SYN3: variants seen among roughly 807,000 people sequenced by gnomAD.
The protein encoded by SYN3 is synapsin-3.
A neutral mutation model predicts 65.8 loss-of-function variants in SYN3; 35 were observed. That is an observed-to-expected ratio of 0.53 (90% confidence interval 0.41 to 0.70). The LOEUF (loss-of-function observed/expected upper bound fraction) is 0.70. Ranked by LOEUF, SYN3 falls within the 30% of genes least tolerant of loss-of-function variation. SYN3 has a pLI of 0.00. For missense variants in SYN3, 680 were observed against 749.0 expected, an observed-to-expected ratio of 0.91 and a Z score of 1.08; for synonymous variants, 270 against 292.9, an observed-to-expected ratio of 0.92 and a Z score of 0.80.
rs1028755767 is a variant in SYN3, at chr22:32,944,657, C to A, written c.370-13176G>T. On this transcript the variant is annotated intron_variant, in intron 3 of 13. Transcript: ENST00000358763. ...ATAAGCCAGGGATGCCCTCTCTCAC[C>A]ACTCCTATTCAACACAGTGTTGGAA... Among the ~76,000 whole-genome samples, 12 of 152,172 alleles carry A rather than the reference C, an allele frequency of 7.9e-5. 1 individual carries two copies. The highest frequency in any genetic ancestry group is 2.0e-4 in the Admixed American group (3 of 15,282).
chr22:33,003,828 C>A (rs2053129648), intron 2 of SYN3, among the ~76,000 whole-genome samples: 1 of 152,280 alleles, frequency 6.6e-6, no homozygotes, highest in South Asian at 2.1e-4. Context: ...TTGGGGGCAG[C>A]CCCTCCAATC....
Position 32,513,517 on chromosome 22 carries a change from G to A in SYN3, c.*175C>T, listed in dbSNP as rs894481385. 2.3e-5 allele frequency: 20 copies of A among 864,274 alleles called. No homozygotes were observed. The highest frequency in any genetic ancestry group is 1.1e-4 in the Admixed American group (4 of 36,154). The allele number at this position is 864,274 out of a possible 1,614,324, so 53.5% of individuals were successfully genotyped here. On this transcript the variant is annotated 3_prime_UTR_variant, in exon 14 of 14. Transcript: ENST00000358763. ...CAGTCAGACAATGCTGGAATGTCAC[G>A]GTGAAGGAAAATGGGAACAAATATA... is the stretch of plus-strand genomic sequence containing the variant.
intron 6 of SYN3, among the ~76,000 whole-genome samples, chr22:32,642,839 G>C (rs891848352): frequency 4.6e-5 from 7 of 152,034 alleles, no homozygotes; most frequent in South Asian, 4.2e-4. Context: ...TTACAGGCTT[G>C]AGCCACTGTG....
At chr22:32,867,182 G>A (rs2048709563) in intron 5 of SYN3, among the ~76,000 whole-genome samples, 1 of 152,202 alleles carries the variant, frequency 6.6e-6, no homozygotes, top group South Asian at 2.1e-4. Context: ...CCACAGACCA[G>A]ACAGCTATGA....
rs931465037 is a variant in SYN3 at position 32,509,038 on chromosome 22, T to C, written c.*4654A>G. On this transcript the variant is annotated 3_prime_UTR_variant, in exon 14 of 14. Transcript: ENST00000358763. ...ATTAGTTAATTCAGCAGGGACGGAA[T>C]GTTAGGCTAGAGAATGTAGTAATGA... is the stretch of plus-strand genomic sequence containing the variant. Among the ~76,000 whole-genome samples, 1 of 152,220 alleles carries C rather than the reference T, an allele frequency of 6.6e-6. No homozygotes were observed. The highest frequency in any genetic ancestry group is 1.5e-5 in the Non-Finnish European group (1 of 68,038).
intron 3 of SYN3, among the ~76,000 whole-genome samples, chr22:32,935,259 C>T (rs768352847): frequency 4.6e-5 from 7 of 151,542 alleles, no homozygotes; most frequent in Non-Finnish European, 7.4e-5. Flanking sequence ...TAGAAATCTG[C>T]ACCTAGACTC....
At chr22:32,684,427 T>C (rs2060563763) in intron 6 of SYN3, among the ~76,000 whole-genome samples, 1 of 152,182 alleles carries the variant, frequency 6.6e-6, no homozygotes, top group East Asian at 1.9e-4. Flanking sequence ...ACAATGACTT[T>C]CCTTTTTCTC....
intron 7 of SYN3, among the ~76,000 whole-genome samples, chr22:32,593,240 G>A (rs987853468): frequency 6.6e-6 from 1 of 150,948 alleles, no homozygotes; most frequent in South Asian, 2.1e-4. Context: ...GTTTATTCTC[G>A]TCTGTGTCAT....
intron 3 of SYN3, among the ~76,000 whole-genome samples, chr22:32,957,313 A>T (rs1424585284): frequency 6.6e-6 from 1 of 152,202 alleles, no homozygotes; most frequent in African/African-American, 2.4e-5. Context: ...GACACACCTG[A>T]TGCAGGAAGC....
At chr22:33,004,130 C>T (rs2053137747) in intron 2 of SYN3, among the ~76,000 whole-genome samples, 1 of 152,184 alleles carries the variant, frequency 6.6e-6, no homozygotes, top group Non-Finnish European at 1.5e-5. Context: ...AAGTTTGCTG[C>T]AGGGGTGGGG....
At chr22:32,608,069 A>C (rs2059394410) in intron 6 of SYN3, among the ~76,000 whole-genome samples, 1 of 152,186 alleles carries the variant, frequency 6.6e-6, no homozygotes, top group Admixed American at 6.5e-5. Context: ...TTTTAAAAAA[A>C]GTATTTATTC....
intron 6 of SYN3, among the ~76,000 whole-genome samples, chr22:32,644,547 AGGAAGTGTGCTGGGCT>A (rs1444220631): frequency 1.3e-5 from 2 of 152,200 alleles, no homozygotes; most frequent in Non-Finnish European, 2.9e-5. Flanking sequence ...CCAGACAAGC[AGGAAGTGTGCTGGGCT>A]GGCGGATGGA....
intron 4 of SYN3, among the ~76,000 whole-genome samples, chr22:32,911,261 G>T (rs1189509864): frequency 6.6e-6 from 1 of 152,166 alleles, no homozygotes; most frequent in African/African-American, 2.4e-5. Flanking sequence ...TGCAAGCCAC[G>T]TTCTCCAGCC....
chr22:32,641,920 C>T (rs2059907135), intron 6 of SYN3, among the ~76,000 whole-genome samples: 2 of 152,258 alleles, frequency 1.3e-5, no homozygotes, highest in South Asian at 4.2e-4. Flanking sequence ...GATTGCCCCT[C>T]CCCAGCCTCC....
chr22:32,763,758 T>C (rs1350985905), intron 6 of SYN3, among the ~76,000 whole-genome samples: 1 of 152,096 alleles, frequency 6.6e-6, no homozygotes, highest in Admixed American at 6.5e-5. Flanking sequence ...GTTTTTTCAC[T>C]TCCCCAGGTG....
chr22:32,850,037 C>A (rs137899770), intron 6 of SYN3, among the ~76,000 whole-genome samples: 10 of 151,204 alleles, frequency 6.6e-5, no homozygotes, highest in African/African-American at 2.2e-4. Flanking sequence ...ATCACAGGAA[C>A]CTCATCCCAA....
intron 2 of SYN3, among the ~76,000 whole-genome samples, chr22:32,984,491 G>A (rs933329299): frequency 2.0e-5 from 3 of 152,132 alleles, no homozygotes; most frequent in East Asian, 3.9e-4. Flanking sequence ...GTTGTCCTTT[G>A]GCCACCCCTT....
At chr22:32,518,410 G>A (rs765949477) in intron 12 of SYN3, 76 bp from the exon 13 acceptor site, 11 of 1,546,796 alleles carry the variant, frequency 7.1e-6, no homozygotes, top group Middle Eastern at 1.7e-4. Flanking sequence ...AAATAATGTT[G>A]CTTCAAGGAT....
intron 7 of SYN3, among the ~76,000 whole-genome samples, chr22:32,581,051 C>T (rs961740529): frequency 3.9e-5 from 6 of 152,170 alleles, no homozygotes; most frequent in African/African-American, 1.2e-4. Flanking sequence ...TTTAAGAGTG[C>T]GTTACCTCAA....
Sources: allele counts gnomAD v4.1 joint callset (sites outside exome capture counted in the v4.1 genomes callset), GRCh38; gene constraint gnomAD v4.1.1; transcripts MANE v1.5; gene names NCBI Gene and HGNC (gene_info 2026-07-23, HGNC 2026-07-21).